The following DPP10 variants were observed in gnomAD, a reference collection of about 807,000 sequenced individuals.
DPP10 encodes inactive dipeptidyl peptidase 10.
Under a neutral mutation model 120.9 loss-of-function variants are expected in DPP10, and 33 were observed. The observed-to-expected ratio is 0.27, with a 90% CI of 0.21 to 0.37. The LOEUF is 0.37. Among genes scored for constraint, DPP10 ranks in the 10% least tolerant of loss-of-function variants. DPP10 has a pLI of 1.00. For missense variants in DPP10, 816 were observed against 942.8 expected, an observed-to-expected ratio of 0.87 and a Z score of 1.76; for synonymous variants, 337 against 326.1, an observed-to-expected ratio of 1.03 and a Z score of -0.36.
chr2:115,421,581 A>G (rs2069960664), intron 3 of DPP10, among the ~76,000 whole-genome samples: 2 of 152,156 alleles, frequency 1.3e-5, no homozygotes, highest in Non-Finnish European at 2.9e-5. Flanking sequence ...TTTTATACCT[A>G]TAAAAATGAG....
intron 21 of DPP10, among the ~76,000 whole-genome samples, chr2:115,819,027 G>A (rs897329969): frequency 3.9e-5 from 6 of 152,122 alleles, no homozygotes; most frequent in Admixed American, 2.6e-4. Flanking sequence ...TAGACCTTGC[G>A]ATTCTTTTTT....
intron 1 of DPP10, among the ~76,000 whole-genome samples, chr2:114,757,274 G>C (rs1679853157): frequency 7.3e-6 from 1 of 136,668 alleles, no homozygotes; most frequent in South Asian, 2.6e-4. Flanking sequence ...AGAAAGGAAG[G>C]AAAGAATGGG....
intron 19 of DPP10, among the ~76,000 whole-genome samples, chr2:115,800,707 G>T (rs1365136248): frequency 1.3e-5 from 2 of 152,092 alleles, no homozygotes; most frequent in South Asian, 4.1e-4. Flanking sequence ...TTTCCCCATT[G>T]CTTGTTTTTG....
chr2:115,741,636 A>T (rs1449654676), intron 9 of DPP10, among the ~76,000 whole-genome samples: 3 of 152,302 alleles, frequency 2.0e-5, no homozygotes, highest in Admixed American at 2.0e-4. Context: ...TGCACTGCAC[A>T]AAGGGAATAC....
At chr2:115,620,198 T>C (rs1413923952) in intron 5 of DPP10, among the ~76,000 whole-genome samples, 4 of 152,236 alleles carry the variant, frequency 2.6e-5, no homozygotes, top group Non-Finnish European at 5.9e-5. Context: ...CACTGTGTGC[T>C]GAACACTAGT....
chr2:115,365,731 C>G (rs892182491), intron 3 of DPP10, among the ~76,000 whole-genome samples: 8 of 151,928 alleles, frequency 5.3e-5, no homozygotes, highest in African/African-American at 1.9e-4. Context: ...AGGCCCAGTC[C>G]AGTGCTTAAA....
At chr2:114,883,592 G>T (rs537468322) in intron 1 of DPP10, among the ~76,000 whole-genome samples, 1 of 152,164 alleles carries the variant, frequency 6.6e-6, no homozygotes, top group African/African-American at 2.4e-5. Flanking sequence ...GTAAAATCCC[G>T]ACTTATTCAT....
At chr2:114,525,403 A>G in intron 1 of DPP10, among the ~76,000 whole-genome samples, 1 of 152,200 alleles carries the variant, frequency 6.6e-6, no homozygotes, top group East Asian at 1.9e-4. Flanking sequence ...CCTGATAAAA[A>G]TATTGAAGGA....
At chr2:114,571,507 A>G (rs1373132342) in intron 1 of DPP10, among the ~76,000 whole-genome samples, 5 of 152,142 alleles carry the variant, frequency 3.3e-5, no homozygotes, top group Non-Finnish European at 7.3e-5. Context: ...TCAATGAGAG[A>G]ACAGACTAAT....
intron 1 of DPP10, among the ~76,000 whole-genome samples, chr2:115,088,808 T>A (rs900798645): frequency 1.3e-5 from 2 of 149,534 alleles, no homozygotes; most frequent in South Asian, 4.2e-4. Context: ...AACAATTTTT[T>A]AAAAAATATA....
intron 21 of DPP10, among the ~76,000 whole-genome samples, chr2:115,822,008 C>A (rs934997585): frequency 3.9e-5 from 6 of 151,906 alleles, no homozygotes; most frequent in Non-Finnish European, 5.9e-5. Flanking sequence ...AGGAGAGTTT[C>A]ATTTGTTCTA....
intron 1 of DPP10, among the ~76,000 whole-genome samples, chr2:114,983,687 AGG>A: frequency 6.6e-6 from 1 of 152,226 alleles, no homozygotes; most frequent in East Asian, 1.9e-4. Flanking sequence ...CAACTGAAAA[AGG>A]GGAGAAAAAG....
At chr2:115,008,534 T>C (rs1359746103) in intron 1 of DPP10, among the ~76,000 whole-genome samples, 3 of 118,780 alleles carry the variant, frequency 2.5e-5, no homozygotes, top group Non-Finnish European at 5.8e-5. Flanking sequence ...ACTTCATGTC[T>C]AAAACACCAA....
intron 1 of DPP10, among the ~76,000 whole-genome samples, chr2:114,877,944 T>G (rs544432713): frequency 6.6e-6 from 1 of 152,156 alleles, no homozygotes; most frequent in African/African-American, 2.4e-5. Flanking sequence ...TTTGGCCATT[T>G]TTAATACTGG....
At chr2:115,014,112 A>G (rs1186933399) in intron 1 of DPP10, among the ~76,000 whole-genome samples, 1 of 152,174 alleles carries the variant, frequency 6.6e-6, no homozygotes, top group Non-Finnish European at 1.5e-5. Context: ...TTCCTCAGCA[A>G]ATGCAGAAGA....
intron 1 of DPP10, among the ~76,000 whole-genome samples, chr2:114,594,068 AAGG>A (rs1288474935): frequency 6.6e-6 from 1 of 152,090 alleles, no homozygotes; most frequent in African/African-American, 2.4e-5. Flanking sequence ...GGCGTTGTCA[AAGG>A]AGATTAACAT....
chr2:114,502,439 C>G (rs1573508314), intron 1 of DPP10, among the ~76,000 whole-genome samples: 1 of 152,068 alleles, frequency 6.6e-6, no homozygotes, highest in Admixed American at 6.5e-5. Flanking sequence ...GGTACCAGTA[C>G]GTAGACATAT....
At chr2:115,398,163 A>T (rs2067817234) in intron 3 of DPP10, among the ~76,000 whole-genome samples, 1 of 130,026 alleles carries the variant, frequency 7.7e-6, no homozygotes, top group South Asian at 2.7e-4. Context: ...GGAGTTTTTC[A>T]TTGTATATGA....
intron 5 of DPP10, among the ~76,000 whole-genome samples, chr2:115,545,491 T>G (rs1272640047): frequency 6.6e-6 from 1 of 152,170 alleles, no homozygotes; most frequent in Admixed American, 6.5e-5. Flanking sequence ...GGGTCGGAGT[T>G]TTCCAATATT....
Sources: allele counts gnomAD v4.1 joint callset (sites outside exome capture counted in the v4.1 genomes callset), GRCh38; gene constraint gnomAD v4.1.1; transcripts MANE v1.5; gene names NCBI Gene and HGNC (gene_info 2026-07-23, HGNC 2026-07-21).